Variants in FGR observed in about 807,000 individuals in gnomAD.
FGR encodes tyrosine-protein kinase Fgr.
A neutral mutation model predicts 63.2 loss-of-function variants in FGR; 26 were observed. The observed-to-expected ratio is 0.41, with a 90% CI of 0.30 to 0.57. The LOEUF is 0.57. FGR is among the 20% of genes least tolerant of loss of function. FGR has a pLI of 0.27. For missense variants in FGR, 511 were observed against 690.8 expected (o/e 0.74, Z 2.92); for synonymous variants, 286 against 277.7 (o/e 1.03, Z -0.30).
rs2148524967 is a variant in FGR at position 27,616,798 on chromosome 1, C to T, written c.682+59G>A. 6.3e-6 allele frequency: 10 copies of T among 1,577,334 alleles called. No individual in the cohort carries two copies. Among genetic ancestry groups the T allele is most frequent in the South Asian group, 1.1e-5 (1 of 90,176 alleles). ...CCCTTCCCTTCTCTGGGCCTCAGTT[C>T]CCCCATCTGGACAATGCTTCAGTTG... On this transcript the variant is annotated intron_variant, in intron 7 of 12. Coordinates refer to ENST00000374005, the MANE Select transcript of FGR (RefSeq NM_005248.3). The surrounding 1 kb of genome is among the most constrained non-coding windows in gnomAD (Gnocchi z 4.3).
In FGR at chr1:27,613,355, A is replaced by G. The variant is rs775749890; in HGVS notation, c.1250-5T>C. 5 of 1,613,606 alleles carry G rather than the reference A, an allele frequency of 3.1e-6. No homozygotes were observed. The highest frequency in any genetic ancestry group is 1.3e-5 in the African/African-American group (1 of 75,012). On this transcript the variant is annotated splice_polypyrimidine_tract_variant and splice_region_variant and intron_variant, in intron 11 of 12. Coordinates refer to ENST00000374005, the MANE Select transcript of FGR (RefSeq NM_005248.3). ...ACTTGATGGGGAACTTGGAACCTGG[A>G]GAAGATGGGGGAGCAGGGAAAGTTA... is the stretch of plus-strand genomic sequence containing the variant.
Position 27,617,034 on chromosome 1 carries a change from T to A in FGR, c.533-28A>T. On this transcript the variant is annotated intron_variant, in intron 6 of 12. Transcript: ENST00000374005. The surrounding 1 kb of genome is among the most constrained non-coding windows in gnomAD (Gnocchi z 4.5). ...GTGGAGAGGATCACTTTTGATCTGC[T>A]GTTCTCCTCTGCCCTAGTCTGGGAG... The A allele has an allele frequency of 3.1e-6, 5 of 1,613,546 alleles. No individual in the cohort carries two copies. The highest frequency in any genetic ancestry group is 4.2e-6 in the Non-Finnish European group (5 of 1,179,788).
chr1:27,624,383 C>T (rs1044165277), intron 2 of FGR, among the ~76,000 whole-genome samples: 6 of 152,226 alleles, frequency 3.9e-5, no homozygotes, highest in East Asian at 3.9e-4. Context: ...TATACAGGTG[C>T]GTGCCAGTAC....
At chr1:27,622,308 A>AT (rs1478949406) in intron 4 of FGR, among the ~76,000 whole-genome samples, 5 of 149,786 alleles carry the variant, frequency 3.3e-5, no homozygotes, top group Non-Finnish European at 7.4e-5. Context: ...AAAAAAAAAA[A>AT]GCCTGGCAGA....
intron 1 of FGR, among the ~76,000 whole-genome samples, chr1:27,631,101 T>C (rs571044800): frequency 6.6e-6 from 1 of 152,266 alleles, no homozygotes; most frequent in Non-Finnish European, 1.5e-5. Flanking sequence ...CTCTTTTGCA[T>C]AGGGGGAAGT....
At position 27,617,892 on chromosome 1, in the gene FGR, A is replaced by G. The variant is rs758493736; in HGVS notation, c.429-596T>C. 6.6e-6 allele frequency among the ~76,000 whole-genome samples: 1 copy of G among 151,828 alleles called. No individual in the cohort carries two copies. The highest frequency in any genetic ancestry group is 1.5e-5 in the Non-Finnish European group (1 of 67,948). On this transcript the variant is annotated intron_variant, in intron 5 of 12. Transcript: ENST00000374005. This position sits in a 1 kb window ranked among gnomAD's most constrained non-coding sequence, Gnocchi z 4.5. Reference sequence around the variant, plus strand: ...GATGTTGTCCTAAGTCTAAACTTCAACCTCAGGCCTCAATCACTCCTCTCC... The same window carrying G: ...GATGTTGTCCTAAGTCTAAACTTCAGCCTCAGGCCTCAATCACTCCTCTCC...
At chr1:27,621,088 A>T (rs867314473) in intron 5 of FGR, among the ~76,000 whole-genome samples, 3 of 151,856 alleles carry the variant, frequency 2.0e-5, no homozygotes, top group South Asian at 2.1e-4. Context: ...CCTCCTTAAT[A>T]GAATTAATTC....
chr1:27,631,369 C>T (rs2148532499), intron 1 of FGR, among the ~76,000 whole-genome samples: 1 of 152,296 alleles, frequency 6.6e-6, no homozygotes, highest in Non-Finnish European at 1.5e-5. Flanking sequence ...TCCACCCATC[C>T]TTTTTCGAGG....
chr1:27,619,052 C>T (rs1013848715), intron 5 of FGR, among the ~76,000 whole-genome samples: 1 of 152,206 alleles, frequency 6.6e-6, no homozygotes, highest in South Asian at 2.1e-4. Context: ...TCTGACTTGG[C>T]CTGGTCTGGA....
At position 27,616,749 on chromosome 1, in the gene FGR, G is replaced by C. The variant is rs947284674; in HGVS notation, c.682+108C>G. On this transcript the variant is annotated intron_variant, in intron 7 of 12. Transcript: ENST00000374005. The surrounding 1 kb of genome is among the most constrained non-coding windows in gnomAD (Gnocchi z 4.3). ...ACCCCATCCTTGGGTTCTGGTTTCCGTCTGGCCAATACTGCTTGGTAGTCC... is the reference window on the plus strand; with the variant it reads ...ACCCCATCCTTGGGTTCTGGTTTCCCTCTGGCCAATACTGCTTGGTAGTCC... 8.0e-7 allele frequency: 1 copy of C among 1,257,054 alleles called. No individual in the cohort carries two copies. The highest frequency in any genetic ancestry group is 1.1e-6 in the Non-Finnish European group (1 of 879,232). The allele number at this position is 1,257,054 out of a possible 1,614,324, so 77.9% of individuals were successfully genotyped here.
rs1385365949 is a variant in FGR, at chr1:27,615,880, G to A, written c.683-36C>T. 6.5e-7 allele frequency: 1 copy of A among 1,529,258 alleles called. No individual in the cohort carries two copies. The highest frequency in any genetic ancestry group is 8.8e-7 in the Non-Finnish European group (1 of 1,130,838). The allele number at this position is 1,529,258 out of a possible 1,614,324, so 94.7% of individuals were successfully genotyped here. On this transcript the variant is annotated intron_variant, in intron 7 of 12. Transcript: ENST00000374005. This position sits in a 1 kb window ranked among gnomAD's most constrained non-coding sequence, Gnocchi z 7.6. ...GGTCATGAAGTAGAGTCACAGGTGG[G>A]CCAGGACACCCCCCTCCACTCCTTA...
At chr1:27,626,364 C>T (rs920553550) in intron 1 of FGR, 3 of 396,772 alleles carry the variant, frequency 7.6e-6, no homozygotes, top group Non-Finnish European at 1.3e-5. Flanking sequence ...GAAAGGGCCC[C>T]CAGCTTCTCT....
rs189620032 is a variant in FGR at position 27,619,760 on chromosome 1, C to A, written c.428+1799G>T. 1.3e-3 allele frequency among the ~76,000 whole-genome samples: 200 copies of A among 152,262 alleles called. 1 individual carries two copies. Among genetic ancestry groups the A allele is most frequent in the Non-Finnish European group, 2.5e-3 (172 of 67,974 alleles). The stretch of plus-strand genomic sequence containing the variant: ...CAAACCACAATCCAACAAGTACCCC[C>A]TAGAACTCATGAACTTATACCTGCT... On this transcript the variant is annotated intron_variant, in intron 5 of 12. Coordinates refer to ENST00000374005, the MANE Select transcript of FGR (RefSeq NM_005248.3).
At chr1:27,627,136 C>T (rs893706184) in intron 1 of FGR, among the ~76,000 whole-genome samples, 6 of 152,206 alleles carry the variant, frequency 3.9e-5, no homozygotes, top group African/African-American at 1.4e-4. Flanking sequence ...TGCACCGCTG[C>T]ACTCCAGCCT....
Position 27,615,568 on chromosome 1 carries a change from G to C in FGR, c.884C>G (p.Pro295Arg). ...STKVAVKTLK[P>R]GTMSPKAFLE... ...GAAGGCCTTCGGGGACATGGTGCCC[G>C]GCTTCAGCGTCTTCACCGCCACCTT... is the stretch of plus-strand genomic sequence containing the variant. Residue 295 changes from proline to arginine, a missense_variant, in exon 9 of 13, where the codon CCG becomes CGG. Physicochemically the swap from Pro to Arg is moderately radical, Grantham distance 103. Coordinates refer to ENST00000374005, the MANE Select transcript of FGR (RefSeq NM_005248.3). The surrounding 1 kb of genome is among the most constrained non-coding windows in gnomAD (Gnocchi z 7.6). The C allele has an allele frequency of 3.7e-6, 6 of 1,613,560 alleles. No individual in the cohort carries two copies. Among genetic ancestry groups the C allele is most frequent in the East Asian group, 2.2e-5 (1 of 44,846 alleles).
chr1:27,618,201 G>T (rs937962326), intron 5 of FGR, among the ~76,000 whole-genome samples: 2 of 152,132 alleles, frequency 1.3e-5, no homozygotes. Flanking sequence ...GCAGGAGGGG[G>T]ACGGAGGAAG....
At chr1:27,629,318 G>A (rs1292886545) in intron 1 of FGR, among the ~76,000 whole-genome samples, 2 of 152,198 alleles carry the variant, frequency 1.3e-5, no homozygotes, top group Admixed American at 1.3e-4. Context: ...GTGACTTCCT[G>A]AAAGCTGGGG....
intron 5 of FGR, among the ~76,000 whole-genome samples, chr1:27,621,211 T>C (rs995858449): frequency 6.6e-6 from 1 of 152,096 alleles, no homozygotes; most frequent in African/African-American, 2.4e-5. Flanking sequence ...AGCCCAACTA[T>C]CTGGGTTCAT....
chr1:27,613,694 CAAAAAAA>C (rs56363244), intron 11 of FGR, among the ~76,000 whole-genome samples: 3,408 of 74,148 alleles, frequency 0.046, 52 homozygotes, highest in Non-Finnish European at 0.06. Context: ...GACTCCATCT[CAAAAAAA>C]AAAAAAAAAA....
Sources: allele counts gnomAD v4.1 joint callset (sites outside exome capture counted in the v4.1 genomes callset), GRCh38; gene constraint gnomAD v4.1.1; non-coding constraint Gnocchi (gnomAD v3.1); transcripts MANE v1.5; gene names NCBI Gene and HGNC (gene_info 2026-07-23, HGNC 2026-07-21).